The following BMP7 variants were observed in gnomAD, a reference collection of about 807,000 sequenced individuals.
The protein encoded by BMP7 is osteogenic protein 1.
In BMP7, 12 loss-of-function variants were observed where a neutral mutation model predicts 41.2. The observed-to-expected ratio is 0.29, with a 90% confidence interval of 0.19 to 0.47. The LOEUF (loss-of-function observed/expected upper bound fraction) is 0.47, where lower values mean the gene tolerates loss of function less well. BMP7 is among the 20% of genes least tolerant of loss of function. BMP7 has a pLI of 0.99. For missense variants in BMP7, 467 were observed against 606.0 expected (o/e 0.77, Z 2.41); for synonymous variants, 248 against 250.0 (o/e 0.99, Z 0.07).
At chr20:57,239,027 T>C (rs990274684) in intron 1 of BMP7, among the ~76,000 whole-genome samples, 5 of 152,096 alleles carry the variant, frequency 3.3e-5, no homozygotes, top group African/African-American at 1.2e-4. Flanking sequence ...AAATCTCATA[T>C]CCTCACATTT....
At chr20:57,256,639 G>A (rs1349628393) in intron 1 of BMP7, among the ~76,000 whole-genome samples, 1 of 152,226 alleles carries the variant, frequency 6.6e-6, no homozygotes, top group Non-Finnish European at 1.5e-5. Context: ...AGGCCAAGGC[G>A]GGTGGATAAA....
In BMP7 at chr20:57,261,607, C is replaced by G. The variant is rs1178249879; in HGVS notation, c.418+4098G>C. Among the ~76,000 whole-genome samples, 1 of 152,150 alleles carries G rather than the reference C, an allele frequency of 6.6e-6. No individual in the cohort carries two copies. Among genetic ancestry groups the G allele is most frequent in the Admixed American group, 6.5e-5 (1 of 15,276 alleles). On this transcript the variant is annotated intron_variant, in intron 1 of 6. Coordinates refer to ENST00000395863, the MANE Select transcript of BMP7 (RefSeq NM_001719.3). This position sits in a 1 kb window ranked among gnomAD's most constrained non-coding sequence, Gnocchi z 4.1. ...CGAAAAACACAGCTGTTGGTGCACT[C>G]CTATAGCAAAGGCGCTCTGCAGAAA...
chr20:57,241,705 C>A (rs1290313209), intron 1 of BMP7, among the ~76,000 whole-genome samples: 1 of 152,192 alleles, frequency 6.6e-6, no homozygotes, highest in Non-Finnish European at 1.5e-5. Context: ...ATCTCCTTGG[C>A]CATCCTCTTG....
chr20:57,212,417 C>G (rs938804304), intron 2 of BMP7, among the ~76,000 whole-genome samples: 2 of 152,188 alleles, frequency 1.3e-5, no homozygotes, highest in Non-Finnish European at 2.9e-5. Flanking sequence ...GGGAGGAGTT[C>G]TAAGCAGGAG....
intron 1 of BMP7, among the ~76,000 whole-genome samples, chr20:57,239,204 A>G (rs2066059884): frequency 6.6e-6 from 1 of 152,366 alleles, no homozygotes; most frequent in Admixed American, 6.5e-5. Context: ...CAATGGAGGT[A>G]CAGGTATCAG....
intron 1 of BMP7, among the ~76,000 whole-genome samples, chr20:57,265,008 G>A (rs1290075754): frequency 1.8e-5 from 2 of 112,188 alleles, no homozygotes; most frequent in Admixed American, 1.4e-4. Flanking sequence ...TCCAGACTGG[G>A]CGACAAGAGT....
intron 3 of BMP7, among the ~76,000 whole-genome samples, chr20:57,197,046 C>T (rs767814770): frequency 2.0e-5 from 3 of 152,012 alleles, no homozygotes; most frequent in East Asian, 3.9e-4. Context: ...GGACTACAGG[C>T]GCACACCACC....
chr20:57,227,424 C>T (rs1410739938), intron 2 of BMP7, among the ~76,000 whole-genome samples: 1 of 147,046 alleles, frequency 6.8e-6, no homozygotes. Flanking sequence ...CAGTGCTTGG[C>T]AAACGTAGCT....
chr20:57,205,001 T>C (rs1473718443), intron 2 of BMP7, among the ~76,000 whole-genome samples: 2 of 152,180 alleles, frequency 1.3e-5, no homozygotes, highest in Non-Finnish European at 2.9e-5. Context: ...CTTTCTGTTT[T>C]TCCATCTTCG....
intron 1 of BMP7, among the ~76,000 whole-genome samples, chr20:57,258,821 T>C (rs895927845): frequency 2.0e-5 from 3 of 152,240 alleles, no homozygotes; most frequent in Non-Finnish European, 4.4e-5. Context: ...TTAATCTCAG[T>C]ATTTTAAGAT....
chr20:57,200,227 T>C (rs916114821), intron 3 of BMP7, among the ~76,000 whole-genome samples: 1 of 152,190 alleles, frequency 6.6e-6, no homozygotes, highest in Non-Finnish European at 1.5e-5. Context: ...CCCTTGGAGA[T>C]GGAAACTATT....
chr20:57,209,305 C>T (rs1383712461), intron 2 of BMP7, among the ~76,000 whole-genome samples: 2 of 131,134 alleles, frequency 1.5e-5, no homozygotes, highest in Admixed American at 8.1e-5. Context: ...ATTAACCAGG[C>T]GTGGTGGTAC....
chr20:57,172,491 G>A (rs754030568), intron 6 of BMP7, among the ~76,000 whole-genome samples: 2 of 152,214 alleles, frequency 1.3e-5, no homozygotes, highest in African/African-American at 4.8e-5. Flanking sequence ...CTGGTAGTGA[G>A]CTCTCTGTCA....
Position 57,224,524 on chromosome 20 carries a change from C to A in BMP7, c.611+3705G>T, listed in dbSNP as rs1477028244. The A allele has an allele frequency of 6.6e-6, 1 of 152,536 alleles. No homozygotes were observed. The highest frequency in any genetic ancestry group is 1.5e-5 in the Non-Finnish European group (1 of 68,346). The allele number at this position is 152,536 out of a possible 1,614,324, so 9.4% of individuals were successfully genotyped here. A position where few individuals can be genotyped will look rare whatever the true frequency, so the allele number is the denominator to read the frequency against. On this transcript the variant is annotated intron_variant, in intron 2 of 6. Coordinates refer to ENST00000395863, the MANE Select transcript of BMP7 (RefSeq NM_001719.3). This position sits in a 1 kb window ranked among gnomAD's most constrained non-coding sequence, Gnocchi z 4.8. ...GGATGGAAGATGCCAGGTCCCAGCT[C>A]CACAGCAGAAACAGGGCAAACAGCA...
chr20:57,187,382 C>T, intron 3 of BMP7, among the ~76,000 whole-genome samples: 1 of 152,214 alleles, frequency 6.6e-6, no homozygotes, highest in East Asian at 1.9e-4. Flanking sequence ...TAGCCTCCAC[C>T]CTGGCCTTAG....
intron 3 of BMP7, among the ~76,000 whole-genome samples, chr20:57,192,922 G>A (rs980376083): frequency 6.6e-6 from 1 of 152,128 alleles, no homozygotes; most frequent in African/African-American, 2.4e-5. Flanking sequence ...CTCCTTAAGG[G>A]TGGGATAGAA....
At chr20:57,258,753 G>A (rs937145578) in intron 1 of BMP7, among the ~76,000 whole-genome samples, 5 of 152,078 alleles carry the variant, frequency 3.3e-5, no homozygotes, top group African/African-American at 9.7e-5. Flanking sequence ...AGAGGGAGGC[G>A]CACACATATT....
intron 2 of BMP7, among the ~76,000 whole-genome samples, chr20:57,209,275 ATATATATATATG>A (rs1359710471): frequency 2.9e-5 from 4 of 139,040 alleles, no homozygotes; most frequent in Non-Finnish European, 6.2e-5. Context: ...ATATATATAT[ATATATATATATG>A]TATATAAATT....
intron 1 of BMP7, among the ~76,000 whole-genome samples, chr20:57,243,108 A>T (rs1349522409): frequency 1.3e-5 from 2 of 152,194 alleles, no homozygotes; most frequent in Non-Finnish European, 1.5e-5. Context: ...TGTCGCCCAC[A>T]CTGCTTTGTA....
Sources: allele counts gnomAD v4.1 joint callset (sites outside exome capture counted in the v4.1 genomes callset), GRCh38; gene constraint gnomAD v4.1.1; non-coding constraint Gnocchi (gnomAD v3.1); transcripts MANE v1.5; gene names NCBI Gene and HGNC (gene_info 2026-07-23, HGNC 2026-07-21).